The following HMGXB3 variants were observed in gnomAD, a reference collection of about 807,000 sequenced individuals.
HMGXB3 encodes HMG-box containing 3.
A neutral mutation model predicts 121.5 loss-of-function variants in HMGXB3; 45 were observed. That is an observed-to-expected ratio of 0.37 (90% CI 0.29 to 0.47). The LOEUF (loss-of-function observed/expected upper bound fraction) is 0.47, where lower values mean the gene tolerates loss of function less well. Among genes scored for constraint, HMGXB3 ranks in the 20% least tolerant of loss-of-function variants. The probability of loss-of-function intolerance (pLI) is 0.99; values close to 1 mark genes in which losing one functional copy is unlikely to be tolerated. For missense variants in HMGXB3, 1,376 were observed against 1,602.2 expected (o/e 0.86, Z 2.41); for synonymous variants, 590 against 624.1 (o/e 0.95, Z 0.81).
At chr5:150,025,078 C>A (rs565189914) in intron 7 of HMGXB3, among the ~76,000 whole-genome samples, 1 of 152,192 alleles carries the variant, frequency 6.6e-6, no homozygotes, top group African/African-American at 2.4e-5. Context: ...CTGTTTCTGG[C>A]TTCTGTTTGA....
At chr5:150,008,764 C>G (rs1755766803) in intron 3 of HMGXB3, among the ~76,000 whole-genome samples, 1 of 152,206 alleles carries the variant, frequency 6.6e-6, no homozygotes, top group Non-Finnish European at 1.5e-5. Context: ...CCAGGCCATG[C>G]TGTGTGTATT....
intron 5 of HMGXB3, among the ~76,000 whole-genome samples, chr5:150,015,391 C>A (rs7728264): frequency 6.6e-6 from 1 of 151,818 alleles, no homozygotes. Context: ...TGGGATCCAC[C>A]TACCTGCCCC....
intron 11 of HMGXB3, 59 bp from the exon 12 acceptor site, chr5:150,036,577 A>T: frequency 7.0e-7 from 1 of 1,418,912 alleles, no homozygotes; most frequent in Non-Finnish European, 9.4e-7. Context: ...TTATTATTTT[A>T]GCCTGAAGCT....
chr5:150,049,366 T>C (rs1756836748), intron 18 of HMGXB3, among the ~76,000 whole-genome samples: 2 of 152,040 alleles, frequency 1.3e-5, no homozygotes, highest in African/African-American at 4.8e-5. Context: ...GGACAGGTTA[T>C]GTACTAGATG....
intron 6 of HMGXB3, among the ~76,000 whole-genome samples, chr5:150,022,368 G>T (rs1254414733): frequency 6.6e-6 from 1 of 152,182 alleles, no homozygotes; most frequent in Admixed American, 6.5e-5. Context: ...TTCCCAATGA[G>T]TTGGATAAAA....
intron 3 of HMGXB3, among the ~76,000 whole-genome samples, chr5:150,009,055 T>G (rs1181829085): frequency 6.6e-6 from 1 of 152,168 alleles, no homozygotes; most frequent in Non-Finnish European, 1.5e-5. Flanking sequence ...TTTGTTCTGT[T>G]TAATTTTAGG....
At chr5:150,008,094 C>CACACAT (rs746974088) in intron 3 of HMGXB3, among the ~76,000 whole-genome samples, 3,200 of 147,710 alleles carry the variant, frequency 0.022, 71 homozygotes, top group African/African-American at 0.054. Context: ...CACACACACA[C>CACACAT]ACACAAATCA....
At chr5:150,005,899 A>G (rs1755691545) in intron 2 of HMGXB3, among the ~76,000 whole-genome samples, 1 of 152,134 alleles carries the variant, frequency 6.6e-6, no homozygotes, top group Non-Finnish European at 1.5e-5. Context: ...AGGACAGGAC[A>G]CCTGTATCTA....
chr5:150,011,913 C>T (rs547879993), intron 4 of HMGXB3, among the ~76,000 whole-genome samples: 85 of 152,214 alleles, frequency 5.6e-4, no homozygotes, highest in Non-Finnish European at 9.7e-4. Context: ...TGCCCGGCCG[C>T]CACTAGCCTG....
rs1756564028 is a variant in HMGXB3 at position 150,039,069 on chromosome 5, G to C, written c.2413+1542G>C. Among the ~76,000 whole-genome samples the C allele has an allele frequency of 2.0e-5, 3 of 152,190 alleles. No homozygotes were observed. The South Asian group carries it at 6.2e-4, about 31-fold the overall frequency. On this transcript the variant is annotated intron_variant, in intron 13 of 19. Coordinates refer to ENST00000502717, the MANE Select transcript of HMGXB3 (RefSeq NM_014983.3). The stretch of plus-strand genomic sequence containing the variant: ...GCATTCCTTCCCACAATGGGTAAAA[G>C]TTACAGTTTGCTCTACATGCCAGTA...
Position 150,051,924 on chromosome 5 carries a change from T to C in HMGXB3, c.3611T>C (p.Leu1204Pro), listed in dbSNP as rs1409948275. The change falls in exon 20 of 20, where the codon CTG (leucine) becomes CCG (proline). Residue 1204 changes from leucine (L) to proline (P), a missense_variant. This residue lies in a region of HMGXB3 where 260 missense variants were observed against 233.2 expected (regional missense o/e 1.11). Coordinates refer to ENST00000502717, the MANE Select transcript of HMGXB3 (RefSeq NM_014983.3). ...CPELAPYATI[L>P]ASIVDSKPNG... ...GAATTGGCACCTTACGCAACCATCC[T>C]GGCCTCCATCGTGGACAGCAAACCA... The C allele has an allele frequency of 1.3e-6, 2 of 1,552,250 alleles. No homozygotes were observed. The highest frequency in any genetic ancestry group is 2.4e-5 in the South Asian group (2 of 84,070).
At chr5:150,026,581 A>G (rs1373069374) in intron 7 of HMGXB3, 125 bp from the exon 8 acceptor site, 15 of 763,510 alleles carry the variant, frequency 2.0e-5, no homozygotes, top group Non-Finnish European at 3.1e-5. Flanking sequence ...TTTGAACTCA[A>G]TCTGTCTAAA....
chr5:150,025,708 C>T (rs921568503), intron 7 of HMGXB3, among the ~76,000 whole-genome samples: 1 of 152,152 alleles, frequency 6.6e-6, no homozygotes, highest in African/African-American at 2.4e-5. Context: ...GCTGGGACTA[C>T]AGGCACGCAC....
chr5:150,004,186 A>G (rs1227220255), intron 1 of HMGXB3, among the ~76,000 whole-genome samples: 1 of 152,106 alleles, frequency 6.6e-6, no homozygotes, highest in Non-Finnish European at 1.5e-5. Flanking sequence ...TTATTTTTAA[A>G]TAGAGTTGTG....
chr5:150,032,132 AG>A (rs933159440), intron 10 of HMGXB3, among the ~76,000 whole-genome samples: 4 of 152,204 alleles, frequency 2.6e-5, no homozygotes, highest in Admixed American at 1.3e-4. Context: ...ACCAGTCTCA[AG>A]CACTCTTTGT....
Position 150,050,273 on chromosome 5 carries a change from C to T in HMGXB3, c.3223C>T (p.Leu1075Phe). 1.9e-6 allele frequency: 3 copies of T among 1,551,898 alleles called. No individual in the cohort carries two copies. Among genetic ancestry groups the T allele is most frequent in the Non-Finnish European group, 2.6e-6 (3 of 1,146,996 alleles). ...CCAGGTGGTCTGCGGCTCCAAGTAT[C>T]TTGTGCGAGGTGAGAGTGCCCGTGA... ...PHQVVCGSKY[L>F]VRGESARDHV... Residue 1075 changes from leucine to phenylalanine, a missense_variant, in exon 19 of 20, where the codon CTT (leucine) becomes TTT (phenylalanine). By Grantham distance (22) the Leu-to-Phe change is conservative. Transcript: ENST00000502717.
chr5:150,024,425 A>T lies in HMGXB3; in HGVS notation c.1205A>T (p.Asn402Ile). ...ENSEAVSQLL[N>I]VAPPREVGEE... Reference sequence around the variant, plus strand: ...TCGGAAGCTGTAAGCCAGCTCCTGAACGTAGCTCCTCCCAGAGAAGTAGGT... The same window carrying T: ...TCGGAAGCTGTAAGCCAGCTCCTGATCGTAGCTCCTCCCAGAGAAGTAGGT... The change falls in exon 7 of 20, where the codon AAC (asparagine) becomes ATC (isoleucine). Residue 402 changes from asparagine (N) to isoleucine (I), a missense_variant. Asn to Ile is a moderately radical substitution (Grantham distance 149). Around this residue, in one of 2 missense-constraint regions of HMGXB3, gnomAD observed 1,116 missense variants for 1,369.0 expected, o/e 0.82. Coordinates refer to ENST00000502717, the MANE Select transcript of HMGXB3 (RefSeq NM_014983.3). 1 of 1,551,748 alleles carries T rather than the reference A, an allele frequency of 6.4e-7. No individual in the cohort carries two copies. The highest frequency in any genetic ancestry group is 8.7e-7 in the Non-Finnish European group (1 of 1,147,000).
rs2113741392 is a variant in HMGXB3 at position 150,024,499 on chromosome 5, G to A, written c.1279G>A (p.Val427Ile). 1.3e-6 allele frequency: 2 copies of A among 1,551,722 alleles called. No homozygotes were observed. Among genetic ancestry groups the A allele is most frequent in the Non-Finnish European group, 1.7e-6 (2 of 1,146,990 alleles). Residue 427 changes from valine (V) to isoleucine (I), a missense_variant, in exon 7 of 20, where the codon GTT becomes ATT. Transcript: ENST00000502717. ...EVIISDAHVL[V>I]KEAPGNCGTA... ...GATCATCTCCGATGCCCATGTTTTG[G>A]TTAAGGAAGCTCCCGGGAATTGTGG...
chr5:150,041,749 T>A lies in HMGXB3; in HGVS notation c.2546-36T>A, dbSNP rs931215232. 15 of 1,524,418 alleles carry A rather than the reference T, an allele frequency of 9.8e-6. No individual in the cohort carries two copies. The East Asian group carries it at 2.5e-4, about 25-fold the overall frequency. The allele number at this position is 1,524,418 out of a possible 1,614,324, so 94.4% of individuals were successfully genotyped here. On this transcript the variant is annotated intron_variant, in intron 14 of 19. Transcript: ENST00000502717. ...ATCCCTAGTGGCTTCAGTGTCTTTT[T>A]CTGTGCCCTTCTCAGTGTTCTTGCT...
Sources: allele counts gnomAD v4.1 joint callset (sites outside exome capture counted in the v4.1 genomes callset), GRCh38; gene constraint gnomAD v4.1.1; regional missense constraint gnomAD v4.1.1; transcripts MANE v1.5; gene names NCBI Gene and HGNC (gene_info 2026-07-23, HGNC 2026-07-21).